The following GCNT1 variants were observed in gnomAD, a reference collection of about 807,000 sequenced individuals.
GCNT1 encodes glucosaminyl (N-acetyl) transferase 1, also known as beta-1,3-galactosyl-O-glycosyl-glycoprotein beta-1,6-N-acetylglucosaminyltransferase.
A neutral mutation model predicts 26.2 loss-of-function variants in GCNT1; 16 were observed. The observed-to-expected ratio is 0.61, with a 90% CI of 0.41 to 0.93. The LOEUF is 0.93. Ranked by LOEUF, GCNT1 falls within the 40% of genes least tolerant of loss-of-function variation. The probability of loss-of-function intolerance (pLI) is 0.00; values close to 1 mark genes in which losing one functional copy is unlikely to be tolerated. For missense variants in GCNT1, 477 were observed against 526.7 expected (o/e 0.91, Z 0.92); for synonymous variants, 183 against 190.8 (o/e 0.96, Z 0.34).
chr9:76,470,463 G>A (rs1364701923), intron 2 of GCNT1, among the ~76,000 whole-genome samples: 1 of 151,916 alleles, frequency 6.6e-6, no homozygotes, highest in Non-Finnish European at 1.5e-5. Context: ...AAATTAGCTG[G>A]GTGTGGTGGT....
chr9:76,415,162 A>T (rs1217598352), upstream of GCNT1, among the ~76,000 whole-genome samples: 1 of 151,858 alleles, frequency 6.6e-6, no homozygotes, highest in Non-Finnish European at 1.5e-5. Flanking sequence ...GGCTCAGGTG[A>T]TACTTCCACC....
chr9:76,463,939 T>C (rs1231058355), intron 2 of GCNT1, among the ~76,000 whole-genome samples: 1 of 151,996 alleles, frequency 6.6e-6, no homozygotes, highest in African/African-American at 2.4e-5. Context: ...CTCACACCTG[T>C]AATCCTAGCA....
chr9:76,455,988 T>C (rs772028092), upstream of GCNT1, among the ~76,000 whole-genome samples: 43 of 152,378 alleles, frequency 2.8e-4, no homozygotes, highest in Non-Finnish European at 5.6e-4. Flanking sequence ...ATCATTACTA[T>C]GACAGCTGTG....
chr9:76,484,228 A>G (rs1270929947), intron 2 of GCNT1, among the ~76,000 whole-genome samples: 1 of 152,132 alleles, frequency 6.6e-6, no homozygotes, highest in Non-Finnish European at 1.5e-5. Flanking sequence ...CCCTATCTCT[A>G]CAAAAATAAG....
At chr9:76,495,225 C>G (rs964801328) in intron 2 of GCNT1, among the ~76,000 whole-genome samples, 2 of 152,138 alleles carry the variant, frequency 1.3e-5, no homozygotes, top group African/African-American at 4.8e-5. Flanking sequence ...AAGAATAAAG[C>G]CGCGGACCTT....
At chr9:76,498,300 G>A (rs1009668802) in intron 2 of GCNT1, among the ~76,000 whole-genome samples, 23 of 151,996 alleles carry the variant, frequency 1.5e-4, no homozygotes, top group Non-Finnish European at 2.2e-4. Flanking sequence ...AAGTTTTTGC[G>A]TGAATATATG....
At chr9:76,453,837 T>G (rs552980799) in intron 1 of GCNT1, among the ~76,000 whole-genome samples, 59 of 152,150 alleles carry the variant, frequency 3.9e-4, no homozygotes, top group Non-Finnish European at 7.6e-4. Context: ...GTGGGGCTGG[T>G]GGAGGTCCCT....
chr9:76,467,768 G>A (rs949338495), intron 2 of GCNT1, among the ~76,000 whole-genome samples: 4 of 152,032 alleles, frequency 2.6e-5, no homozygotes, highest in Admixed American at 6.6e-5. Context: ...ACGAGGTTGA[G>A]ATTATATTGG....
upstream of GCNT1, among the ~76,000 whole-genome samples, chr9:76,418,477 G>C (rs1823151161): frequency 6.6e-6 from 1 of 152,186 alleles, no homozygotes; most frequent in South Asian, 2.1e-4. Flanking sequence ...GAGTGCCCTG[G>C]CTGAGAGGAG....
At chr9:76,419,162 C>T (rs1320931745), upstream of GCNT1, among the ~76,000 whole-genome samples, 1 of 152,122 alleles carries the variant, frequency 6.6e-6, no homozygotes, top group Non-Finnish European at 1.5e-5. Flanking sequence ...TTCTTTCTTT[C>T]GATTCTCAGT....
At chr9:76,445,228 T>C (rs1379310008) in intron 1 of GCNT1, among the ~76,000 whole-genome samples, 1 of 152,100 alleles carries the variant, frequency 6.6e-6, no homozygotes, top group Non-Finnish European at 1.5e-5. Flanking sequence ...CATCAGAGGA[T>C]GTTATACCTG....
intron 1 of GCNT1, among the ~76,000 whole-genome samples, chr9:76,426,690 G>T (rs1293069162): frequency 6.6e-6 from 1 of 152,184 alleles, no homozygotes; most frequent in Admixed American, 6.5e-5. Flanking sequence ...GAGGTCAGGA[G>T]TTTGAGACCA....
At chr9:76,394,378 T>C in the GCNT1 span, 6 of 485,594 alleles carry the variant, frequency 1.2e-5, no homozygotes, top group African/African-American at 1.2e-4. Context: ...GCCGGGCGCC[T>C]GAGGAGCTGC....
chr9:76,437,862 G>A (rs1293555923), upstream of GCNT1, among the ~76,000 whole-genome samples: 6 of 152,188 alleles, frequency 3.9e-5, no homozygotes, highest in Non-Finnish European at 5.9e-5. Flanking sequence ...GTGACACAAT[G>A]GTTTAGCATT....
At chr9:76,436,443 C>G (rs937909764) in intron 1 of GCNT1, among the ~76,000 whole-genome samples, 9 of 151,636 alleles carry the variant, frequency 5.9e-5, no homozygotes, top group African/African-American at 2.2e-4. Flanking sequence ...CAAAAATTAA[C>G]TGGGCATGGT....
At chr9:76,401,103 G>T in the GCNT1 span, among the ~76,000 whole-genome samples, 1 of 152,156 alleles carries the variant, frequency 6.6e-6, no homozygotes, top group Non-Finnish European at 1.5e-5. Context: ...TTACCTGTTG[G>T]TCTGCTATAG....
chr9:76,423,842 A>G (rs1823229926), intron 1 of GCNT1, among the ~76,000 whole-genome samples: 1 of 152,238 alleles, frequency 6.6e-6, no homozygotes, highest in Non-Finnish European at 1.5e-5. Flanking sequence ...TTGAGATAGT[A>G]TCCTTTTTGT....
chr9:76,410,066 G>T, the GCNT1 span, among the ~76,000 whole-genome samples: 1 of 152,040 alleles, frequency 6.6e-6, no homozygotes, highest in African/African-American at 2.4e-5. Context: ...GGATTTTCTA[G>T]CTATCTTTCT....
At position 76,504,381 on chromosome 9, in the gene GCNT1, T is replaced by C. The variant is rs1414436797; in HGVS notation, c.*713T>C. The C allele has an allele frequency of 1.1e-5, 2 of 184,270 alleles. No homozygotes were observed. The highest frequency in any genetic ancestry group is 4.7e-5 in the African/African-American group (2 of 42,262). 11.4% of individuals were successfully genotyped at this position (184,270 alleles called of 1,614,324 possible). A position where few individuals can be genotyped will look rare whatever the true frequency, so the allele number is the denominator to read the frequency against. ...TTATTAGCAAGGTTAAGACATCTTTTTTAAAAAAATTATAGCTTCTACCAA... is the reference window on the plus strand; with the variant it reads ...TTATTAGCAAGGTTAAGACATCTTTCTTAAAAAAATTATAGCTTCTACCAA... On this transcript the variant is annotated 3_prime_UTR_variant, in exon 4 of 4. Coordinates refer to ENST00000376730, the MANE Select transcript of GCNT1 (RefSeq NM_001490.5).
Sources: gnomAD v4.1 joint callset for allele counts (sites outside exome capture counted in the v4.1 genomes callset) on GRCh38, gnomAD v4.1.1 for gene constraint, MANE v1.5 for transcripts, NCBI Gene and HGNC (gene_info 2026-07-23, HGNC 2026-07-21) for gene names.